Variants in POU2F3 observed in about 807,000 individuals in gnomAD.
POU2F3 encodes POU domain, class 2, transcription factor 3.
In POU2F3, 23 loss-of-function variants were observed where a neutral mutation model predicts 59.2. The observed-to-expected ratio is 0.39, with a 90% CI of 0.28 to 0.55. POU2F3 has a LOEUF of 0.55. POU2F3 is among the 20% of genes least tolerant of loss of function. The pLI is 0.66. For missense variants in POU2F3, 473 were observed against 544.5 expected (o/e 0.87, Z 1.31); for synonymous variants, 190 against 214.6 (o/e 0.89, Z 1.00).
intron 3 of POU2F3, among the ~76,000 whole-genome samples, chr11:120,286,983 T>C (rs1245384361): frequency 6.6e-6 from 1 of 152,188 alleles, no homozygotes; most frequent in Non-Finnish European, 1.5e-5. Flanking sequence ...CCATTGGAGA[T>C]GTCCCTCCTA....
rs569062286 is a variant in POU2F3, at chr11:120,243,530, C to T, written c.29-2919C>T. ...TCTTTCACAGAGCAGCTGAGCCTCC[C>T]CAGGGAAGGGAGTGATGGCAAGGAG... On this transcript the variant is annotated intron_variant, in intron 1 of 12. Coordinates refer to ENST00000543440, the MANE Select transcript of POU2F3 (RefSeq NM_014352.4). Among the ~76,000 whole-genome samples, 28 of 152,274 alleles carry T rather than the reference C, an allele frequency of 1.8e-4. No homozygotes were observed. In the South Asian group the frequency reaches 3.9e-3, roughly 21 times the overall value.
rs1208557568 is a variant in POU2F3, at chr11:120,283,799, G to GTGTGTGTGTGTA, written c.133-14455_133-14454insATGTGTGTGTGT. On this transcript the variant is annotated intron_variant, in intron 3 of 12. Transcript: ENST00000543440. The stretch of plus-strand genomic sequence containing the variant: ...TGTGTGTGTGTGTGTGTGTGTGTGT[G>GTGTGTGTGTGTA]TGTGTGTGTGTGTGTGTGTGTCTGC... 4.5e-3 allele frequency among the ~76,000 whole-genome samples: 677 copies of GTGTGTGTGTGTA among 150,200 alleles called. 5 individuals carry two copies. The highest frequency in any genetic ancestry group is 0.016 in the African/African-American group (635 of 39,920).
intron 6 of POU2F3, among the ~76,000 whole-genome samples, chr11:120,304,576 G>C (rs1010883494): frequency 6.6e-6 from 1 of 152,082 alleles, no homozygotes; most frequent in Non-Finnish European, 1.5e-5. Flanking sequence ...GTTAATGCCT[G>C]TTCAACACCT....
chr11:120,302,909 C>G (rs1163528510), intron 6 of POU2F3: 8 of 152,382 alleles, frequency 5.2e-5, no homozygotes, highest in Admixed American at 5.2e-4. Flanking sequence ...CACACAGCAC[C>G]TTTTTTCCAA....
chr11:120,265,008 C>T (rs1391657263), intron 2 of POU2F3, among the ~76,000 whole-genome samples: 2 of 152,198 alleles, frequency 1.3e-5, no homozygotes, highest in Non-Finnish European at 2.9e-5. Flanking sequence ...TAATCTGGAG[C>T]ATTGGGGCCA....
rs1292240930 is a variant in POU2F3, at chr11:120,319,430, T to A, written c.*1038T>A. 3 of 146,630 alleles carry A rather than the reference T, an allele frequency of 2.0e-5. No individual in the cohort carries two copies. Among genetic ancestry groups the A allele is most frequent in the African/African-American group, 7.5e-5 (3 of 40,038 alleles). The allele number at this position is 146,630 out of a possible 1,614,324, so 9.1% of individuals were successfully genotyped here. ...CCAGAGTTCCCACATGGGCTGGGAT[T>A]TTTTTTTCTTTTTCTTTTTTTTTTT... On this transcript the variant is annotated 3_prime_UTR_variant, in exon 13 of 13. Transcript: ENST00000543440.
At chr11:120,305,290 A>G (rs1057100934) in intron 7 of POU2F3, 78 bp downstream of exon 7, 1 of 1,512,188 alleles carries the variant, frequency 6.6e-7, no homozygotes, top group Non-Finnish European at 8.9e-7. Flanking sequence ...AGGTTTCAAG[A>G]GCGACCAGAG....
chr11:120,294,363 A>G (rs1226808185), intron 3 of POU2F3, among the ~76,000 whole-genome samples: 2 of 152,188 alleles, frequency 1.3e-5, no homozygotes, highest in African/African-American at 4.8e-5. Context: ...CGTCCCAAGT[A>G]AAGTCTGGAG....
chr11:120,311,586 G>A (rs1156918459), intron 10 of POU2F3, among the ~76,000 whole-genome samples: 1 of 152,204 alleles, frequency 6.6e-6, no homozygotes, highest in Admixed American at 6.5e-5. Flanking sequence ...AGCAGGAGGA[G>A]ATGGCTTGGG....
Position 120,281,373 on chromosome 11 carries a change from A to G in POU2F3, c.132+12129A>G, listed in dbSNP as rs1455595258. On this transcript the variant is annotated intron_variant, in intron 3 of 12. Transcript: ENST00000543440. ...CAAACGGTTGACTGGCCTGCAACTC[A>G]GTAGCAGAGCCAGGACTTACTCCAT... Among the ~76,000 whole-genome samples the G allele has an allele frequency of 2.6e-5, 4 of 151,956 alleles. No homozygotes were observed. The East Asian group carries it at 7.8e-4, about 29-fold the overall frequency.
At chr11:120,260,060 C>G (rs967640881) in intron 2 of POU2F3, among the ~76,000 whole-genome samples, 1 of 152,236 alleles carries the variant, frequency 6.6e-6, no homozygotes, top group African/African-American at 2.4e-5. Context: ...AGAAGTCTTA[C>G]TGGGTTATAC....
chr11:120,303,636 G>T (rs1467744255), intron 6 of POU2F3: 1 of 152,154 alleles, frequency 6.6e-6, no homozygotes, highest in African/African-American at 2.4e-5. Flanking sequence ...CTGAGGGTCT[G>T]GTCTATGCCA....
upstream of POU2F3, among the ~76,000 whole-genome samples, chr11:120,238,488 A>G (rs1223250038): frequency 6.6e-6 from 1 of 151,966 alleles, no homozygotes; most frequent in African/African-American, 2.4e-5. Flanking sequence ...TCAGTTACCA[A>G]CCAGGGGGTA....
chr11:120,278,544 C>A (rs961290740), intron 3 of POU2F3, among the ~76,000 whole-genome samples: 3 of 152,132 alleles, frequency 2.0e-5, no homozygotes, highest in Middle Eastern at 3.2e-3. Flanking sequence ...AGAATGCATA[C>A]AGCCTCTGCC....
At chr11:120,293,959 A>G (rs577370327) in intron 3 of POU2F3, among the ~76,000 whole-genome samples, 410 of 152,244 alleles carry the variant, frequency 2.7e-3, no homozygotes, top group Non-Finnish European at 4.9e-3. Flanking sequence ...GTATTGCTAT[A>G]TGAGTTTATA....
chr11:120,243,860 C>A (rs1347796800), intron 1 of POU2F3, among the ~76,000 whole-genome samples: 1 of 152,182 alleles, frequency 6.6e-6, no homozygotes, highest in Non-Finnish European at 1.5e-5. Flanking sequence ...ATAATGGATA[C>A]ATCAAATGAG....
upstream of POU2F3, chr11:120,236,782 A>G (rs1938513318): frequency 4.4e-6 from 6 of 1,359,440 alleles, no homozygotes; most frequent in South Asian, 6.2e-5. Context: ...AGAGAGAAGG[A>G]ATAAAGATTG....
chr11:120,274,051 AAGAAAGAAAGAG>A (rs1940197368), intron 3 of POU2F3, among the ~76,000 whole-genome samples: 1 of 151,528 alleles, frequency 6.6e-6, no homozygotes, highest in Admixed American at 6.6e-5. Context: ...AGAGAAAGGA[AAGAAAGAAAGAG>A]AGAAAGAAAG....
In POU2F3 at chr11:120,302,313, C is replaced by T; in HGVS notation, c.389C>T (p.Pro130Leu). 1 of 1,612,978 alleles carries T rather than the reference C, an allele frequency of 6.2e-7. No homozygotes were observed. The highest frequency in any genetic ancestry group is 8.5e-7 in the Non-Finnish European group (1 of 1,179,032). ...CTGCAGCCAAATCTCCTCCCCTTTC[C>T]ACAGCAACAAAGCGGTCTCCTCCTC... ...QGLQPNLLPFPQQQSGLLLPQ... is the reference protein window; with the variant it reads ...QGLQPNLLPFLQQQSGLLLPQ... Residue 130 changes from proline to leucine, a missense_variant, in exon 6 of 13, where the codon CCA becomes CTA. Coordinates refer to ENST00000543440, the MANE Select transcript of POU2F3 (RefSeq NM_014352.4).
Sources: gnomAD v4.1 joint callset for allele counts (sites outside exome capture counted in the v4.1 genomes callset) on GRCh38, gnomAD v4.1.1 for gene constraint, MANE v1.5 for transcripts, NCBI Gene and HGNC (gene_info 2026-07-23, HGNC 2026-07-21) for gene names.